The following SUGCT variants were observed in gnomAD, a reference collection of about 807,000 sequenced individuals.
SUGCT encodes succinyl-CoA:glutarate-CoA transferase.
In SUGCT, 41 loss-of-function variants were observed where a neutral mutation model predicts 55.0. The observed-to-expected ratio is 0.74, with a 90% confidence interval of 0.58 to 0.97. SUGCT has a LOEUF of 0.97. Ranked by LOEUF, SUGCT falls within the 50% of genes least tolerant of loss-of-function variation. The probability of loss-of-function intolerance (pLI) is 0.00; values close to 1 mark genes in which losing one functional copy is unlikely to be tolerated. For synonymous variants in SUGCT, 187 were observed against 200.4 expected (o/e 0.93, Z 0.56); for missense variants, 568 against 547.8 (o/e 1.04, Z -0.37).
In SUGCT at chr7:40,601,798, G is replaced by T. The variant is rs537495208; in HGVS notation, c.1089+105412G>T. Among the ~76,000 whole-genome samples, 11 of 151,432 alleles carry T rather than the reference G, an allele frequency of 7.3e-5. No homozygotes were observed. In the South Asian group the frequency reaches 2.3e-3, roughly 32 times the overall value. ...TTAGTGTATTTTATGTGTGGCCCAA[G>T]ATACTTCTTCAAATGTAGCCCAGGG... On this transcript the variant is annotated intron_variant, in intron 12 of 13. Transcript: ENST00000335693.
At chr7:40,195,986 T>G (rs1421952960) in intron 6 of SUGCT, among the ~76,000 whole-genome samples, 1 of 152,178 alleles carries the variant, frequency 6.6e-6, no homozygotes, top group Admixed American at 6.5e-5. Flanking sequence ...AGTGCTGGGA[T>G]TAGAGGCATG....
intron 10 of SUGCT, among the ~76,000 whole-genome samples, chr7:40,455,221 A>G (rs1295408808): frequency 6.6e-6 from 1 of 152,200 alleles, no homozygotes; most frequent in Non-Finnish European, 1.5e-5. Context: ...CTATCATTAA[A>G]CATCTATGCA....
the SUGCT span, among the ~76,000 whole-genome samples, chr7:41,031,315 C>G: frequency 5.9e-5 from 9 of 152,240 alleles, no homozygotes; most frequent in South Asian, 1.7e-3. Context: ...GCAATATGGT[C>G]TGGGCTCTCT....
intron 1 of SUGCT, among the ~76,000 whole-genome samples, chr7:40,138,318 A>T (rs1333287701): frequency 6.6e-6 from 1 of 152,210 alleles, no homozygotes. Context: ...GCTGCAAAAG[A>T]CATAATTTCA....
chr7:40,447,719 T>C (rs1331845352), intron 9 of SUGCT, among the ~76,000 whole-genome samples: 1 of 152,100 alleles, frequency 6.6e-6, no homozygotes, highest in Non-Finnish European at 1.5e-5. Context: ...ATGAAGAACT[T>C]ACAGATGATT....
At chr7:40,603,277 G>A (rs569174537) in intron 12 of SUGCT, among the ~76,000 whole-genome samples, 1 of 152,316 alleles carries the variant, frequency 6.6e-6, no homozygotes, top group Non-Finnish European at 1.5e-5. Context: ...ATAGGAATAT[G>A]TATGACAAAT....
At chr7:40,157,574 C>A (rs1783960083) in intron 1 of SUGCT, among the ~76,000 whole-genome samples, 1 of 152,166 alleles carries the variant, frequency 6.6e-6, no homozygotes, top group Admixed American at 6.5e-5. Context: ...TAAAATACTT[C>A]TTAGGAGAAT....
intron 13 of SUGCT, among the ~76,000 whole-genome samples, chr7:40,784,858 A>G (rs1789937048): frequency 6.6e-6 from 1 of 152,186 alleles, no homozygotes; most frequent in South Asian, 2.1e-4. Context: ...TGAAATAAGT[A>G]ACTTTACCTA....
chr7:40,861,867 A>T (rs1422157539), downstream of SUGCT, among the ~76,000 whole-genome samples: 1 of 152,248 alleles, frequency 6.6e-6, no homozygotes, highest in Non-Finnish European at 1.5e-5. Context: ...TTAGAATCAC[A>T]TCATACAAGG....
the SUGCT span, among the ~76,000 whole-genome samples, chr7:41,001,582 A>G: frequency 6.6e-6 from 1 of 152,174 alleles, no homozygotes; most frequent in African/African-American, 2.4e-5. Context: ...CTGAAAGTCC[A>G]ACATCAGGAT....
chr7:40,272,363 A>G (rs1402867370), intron 7 of SUGCT, among the ~76,000 whole-genome samples: 2 of 149,148 alleles, frequency 1.3e-5, no homozygotes, highest in Admixed American at 6.7e-5. Context: ...TTTTTGGTAG[A>G]GACAGGGTCT....
At chr7:40,483,710 A>G (rs1023274588) in intron 11 of SUGCT, among the ~76,000 whole-genome samples, 6 of 147,274 alleles carry the variant, frequency 4.1e-5, no homozygotes, top group Non-Finnish European at 4.5e-5. Flanking sequence ...AAAAAAAAAA[A>G]GAATAAAACA....
chr7:40,940,882 G>T, the SUGCT span, among the ~76,000 whole-genome samples: 3 of 151,994 alleles, frequency 2.0e-5, no homozygotes, highest in African/African-American at 7.2e-5. Flanking sequence ...TTGCCTGATT[G>T]CTCTAACTAG....
intron 13 of SUGCT, among the ~76,000 whole-genome samples, chr7:40,851,694 A>G (rs2128800096): frequency 6.6e-6 from 1 of 152,360 alleles, no homozygotes; most frequent in East Asian, 1.9e-4. Flanking sequence ...TTAAAGTAAA[A>G]GTAAAAGTAC....
intron 6 of SUGCT, among the ~76,000 whole-genome samples, chr7:40,205,018 CTGAGG>C (rs1786878937): frequency 6.6e-6 from 1 of 152,152 alleles, no homozygotes; most frequent in African/African-American, 2.4e-5. Flanking sequence ...CTTTGGGAGG[CTGAGG>C]CAGGTGGATC....
At chr7:40,906,390 A>G in the SUGCT span, among the ~76,000 whole-genome samples, 3 of 152,168 alleles carry the variant, frequency 2.0e-5, no homozygotes. Context: ...GGATATATTT[A>G]ATTATGGATC....
chr7:41,032,110 TCACAC>T, the SUGCT span, among the ~76,000 whole-genome samples: 1 of 152,122 alleles, frequency 6.6e-6, no homozygotes, highest in Non-Finnish European at 1.5e-5. Context: ...TTATTGCCTT[TCACAC>T]CACAGCTGTA....
chr7:40,395,911 G>T (rs1403683424), intron 9 of SUGCT, among the ~76,000 whole-genome samples: 1 of 152,128 alleles, frequency 6.6e-6, no homozygotes, highest in Non-Finnish European at 1.5e-5. Context: ...GCATACTAAG[G>T]TTCTTACAGG....
chr7:40,884,975 G>T, the SUGCT span, among the ~76,000 whole-genome samples: 1 of 152,078 alleles, frequency 6.6e-6, no homozygotes, highest in East Asian at 1.9e-4. Flanking sequence ...TGGTCAGCTT[G>T]CCTGGCCTCT....
Sources: allele counts gnomAD v4.1 joint callset (sites outside exome capture counted in the v4.1 genomes callset), GRCh38; gene constraint gnomAD v4.1.1; transcripts MANE v1.5; gene names NCBI Gene and HGNC (gene_info 2026-07-23, HGNC 2026-07-21).